Variants in NKAIN2 observed in about 807,000 individuals in gnomAD.
NKAIN2 encodes sodium/potassium-transporting ATPase subunit beta-1-interacting protein 2.
A neutral mutation model predicts 32.6 loss-of-function variants in NKAIN2; 14 were observed. The observed-to-expected ratio is 0.43, with a 90% CI of 0.28 to 0.67. NKAIN2 has a LOEUF of 0.67. Among genes scored for constraint, NKAIN2 ranks in the 30% least tolerant of loss-of-function variants. The pLI, the probability that NKAIN2 is intolerant of heterozygous loss-of-function variation, is 0.17. For synonymous variants in NKAIN2, 80 were observed against 87.2 expected (o/e 0.92, Z 0.46); for missense variants, 198 against 258.3 (o/e 0.77, Z 1.60).
At chr6:123,874,908 C>CATACAT (rs1554218242) in intron 1 of NKAIN2, among the ~76,000 whole-genome samples, 10 of 134,764 alleles carry the variant, frequency 7.4e-5, no homozygotes, top group African/African-American at 3.0e-4. Context: ...TACATACATA[C>CATACAT]ATATATATAT....
intron 1 of NKAIN2, among the ~76,000 whole-genome samples, chr6:124,103,431 C>A (rs1216016871): frequency 6.6e-6 from 1 of 152,174 alleles, no homozygotes; most frequent in Non-Finnish European, 1.5e-5. Flanking sequence ...ACATCTGCAT[C>A]TTCTAGAGTC....
At chr6:124,721,156 C>T (rs1314361379) in intron 4 of NKAIN2, among the ~76,000 whole-genome samples, 1 of 152,168 alleles carries the variant, frequency 6.6e-6, no homozygotes, top group Non-Finnish European at 1.5e-5. Context: ...GTGGCTCACG[C>T]CTGTAATCCC....
At chr6:124,072,318 A>T (rs927516921) in intron 1 of NKAIN2, among the ~76,000 whole-genome samples, 3 of 152,068 alleles carry the variant, frequency 2.0e-5, no homozygotes, top group African/African-American at 7.2e-5. Flanking sequence ...GAGTTGAGAG[A>T]GTAGGAAATG....
chr6:124,004,863 A>G (rs1047483267), intron 1 of NKAIN2, among the ~76,000 whole-genome samples: 1 of 147,630 alleles, frequency 6.8e-6, no homozygotes, highest in Non-Finnish European at 1.5e-5. Context: ...GGTGTAATTA[A>G]AAAAAAAAAA....
chr6:124,579,744 C>T (rs988867677), intron 3 of NKAIN2, among the ~76,000 whole-genome samples: 1 of 152,122 alleles, frequency 6.6e-6, no homozygotes, highest in African/African-American at 2.4e-5. Context: ...GAACAGCAAG[C>T]ATATTTAACC....
At chr6:124,336,351 A>C (rs1797856848) in intron 2 of NKAIN2, among the ~76,000 whole-genome samples, 1 of 152,188 alleles carries the variant, frequency 6.6e-6, no homozygotes, top group African/African-American at 2.4e-5. Context: ...ATTTCAGCTA[A>C]TGAGATGTAA....
At chr6:124,319,005 A>G (rs1797069445) in intron 2 of NKAIN2, among the ~76,000 whole-genome samples, 1 of 152,096 alleles carries the variant, frequency 6.6e-6, no homozygotes, top group Non-Finnish European at 1.5e-5. Context: ...TTGCTTCTTT[A>G]CTTTCAGCAG....
intron 3 of NKAIN2, among the ~76,000 whole-genome samples, chr6:124,403,455 C>T (rs895942538): frequency 7.2e-5 from 11 of 152,146 alleles, no homozygotes; most frequent in Admixed American, 6.6e-4. Flanking sequence ...CTTTTACCCC[C>T]CTTACTTCGC....
At chr6:124,174,799 T>C (rs1789075080) in intron 1 of NKAIN2, among the ~76,000 whole-genome samples, 1 of 152,178 alleles carries the variant, frequency 6.6e-6, no homozygotes, top group Non-Finnish European at 1.5e-5. Context: ...GCAACCTTGG[T>C]GTCCAGGAGG....
At chr6:124,687,252 C>A (rs1305389425) in intron 4 of NKAIN2, among the ~76,000 whole-genome samples, 1 of 137,838 alleles carries the variant, frequency 7.3e-6, no homozygotes, top group Non-Finnish European at 1.6e-5. Flanking sequence ...ATATATATTA[C>A]CTATATATAT....
intron 1 of NKAIN2, among the ~76,000 whole-genome samples, chr6:124,184,592 A>C (rs954751933): frequency 6.6e-6 from 1 of 152,188 alleles, no homozygotes; most frequent in Non-Finnish European, 1.5e-5. Flanking sequence ...CAGGGAACAG[A>C]GAAAAGTAAT....
chr6:124,669,944 T>G (rs1773015402), intron 4 of NKAIN2, among the ~76,000 whole-genome samples: 1 of 152,028 alleles, frequency 6.6e-6, no homozygotes. Context: ...TCCATCACTG[T>G]CAGGATAAAT....
intron 4 of NKAIN2, among the ~76,000 whole-genome samples, chr6:124,787,337 A>T (rs1205988152): frequency 6.6e-6 from 1 of 152,160 alleles, no homozygotes; most frequent in Non-Finnish European, 1.5e-5. Flanking sequence ...GAATTAAAAA[A>T]TTAAAAAGAA....
At chr6:124,720,686 C>T (rs1316716176) in intron 4 of NKAIN2, among the ~76,000 whole-genome samples, 3 of 152,146 alleles carry the variant, frequency 2.0e-5, no homozygotes, top group African/African-American at 4.8e-5. Context: ...GATAGCCACA[C>T]GGGTGTTGCA....
At chr6:124,731,748 A>G (rs1776689706) in intron 4 of NKAIN2, among the ~76,000 whole-genome samples, 2 of 152,154 alleles carry the variant, frequency 1.3e-5, no homozygotes, top group South Asian at 2.1e-4. Context: ...ATGAAAATAG[A>G]GACTTATTTT....
chr6:124,551,896 T>C (rs1410830572), intron 3 of NKAIN2, among the ~76,000 whole-genome samples: 1 of 152,238 alleles, frequency 6.6e-6, no homozygotes, highest in Non-Finnish European at 1.5e-5. Context: ...ATGTGTCAGC[T>C]AAATGACTGT....
At chr6:124,727,390 G>A (rs1726266078) in intron 4 of NKAIN2, among the ~76,000 whole-genome samples, 1 of 151,904 alleles carries the variant, frequency 6.6e-6, no homozygotes, top group Non-Finnish European at 1.5e-5. Context: ...AGAAGAGAGT[G>A]GGGGCCAATA....
At chr6:124,553,450 G>A (rs1480042491) in intron 3 of NKAIN2, among the ~76,000 whole-genome samples, 1 of 152,150 alleles carries the variant, frequency 6.6e-6, no homozygotes, top group East Asian at 1.9e-4. Context: ...TGGGATTACA[G>A]GCAGGCGCCA....
chr6:124,009,944 T>C (rs1397914061), intron 1 of NKAIN2, among the ~76,000 whole-genome samples: 1 of 151,944 alleles, frequency 6.6e-6, no homozygotes, highest in Non-Finnish European at 1.5e-5. Context: ...TGTATATATG[T>C]GTGTGTGTGT....
Sources: allele counts gnomAD v4.1 joint callset (sites outside exome capture counted in the v4.1 genomes callset), GRCh38; gene constraint gnomAD v4.1.1; transcripts MANE v1.5; gene names NCBI Gene and HGNC (gene_info 2026-07-23, HGNC 2026-07-21).